COBLL1: variants seen among roughly 807,000 people sequenced by gnomAD.
The protein encoded by COBLL1 is cordon-bleu protein-like 1.
A neutral mutation model predicts 94.8 loss-of-function variants in COBLL1; 50 were observed. The observed-to-expected ratio is 0.53, with a 90% CI of 0.42 to 0.67. The LOEUF is 0.67. Ranked by LOEUF, COBLL1 falls within the 30% of genes least tolerant of loss-of-function variation. COBLL1 has a pLI of 0.00. For missense variants in COBLL1, 1,362 were observed against 1,348.7 expected, an observed-to-expected ratio of 1.01 and a Z score of -0.15; for synonymous variants, 448 against 473.8, an observed-to-expected ratio of 0.95 and a Z score of 0.71.
chr2:164,722,997 T>C (rs1270094315), intron 5 of COBLL1: 1 of 152,256 alleles, frequency 6.6e-6, no homozygotes, highest in African/African-American at 2.4e-5. Context: ...CTTTGTTAAA[T>C]GTTTCATAAA....
chr2:164,663,539 G>A (rs1473214857), intron 2 of COBLL1, among the ~76,000 whole-genome samples: 1 of 152,058 alleles, frequency 6.6e-6, no homozygotes, highest in Non-Finnish European at 1.5e-5. Context: ...GCAAAGACAT[G>A]GAATCAACCT....
chr2:164,696,686 A>C (rs567619883), intron 11 of COBLL1: 2 of 152,330 alleles, frequency 1.3e-5, no homozygotes, highest in East Asian at 3.9e-4. Context: ...GTCTAGGTTA[A>C]CAGAGCAACA....
chr2:164,733,228 T>C (rs1686114205), intron 3 of COBLL1, among the ~76,000 whole-genome samples: 1 of 152,216 alleles, frequency 6.6e-6, no homozygotes, highest in Admixed American at 6.5e-5. Flanking sequence ...GAAACATTGG[T>C]ATTTCTATCT....
chr2:164,831,821 A>G (rs1683091074), intron 2 of COBLL1, among the ~76,000 whole-genome samples: 2 of 152,316 alleles, frequency 1.3e-5, no homozygotes, highest in South Asian at 2.1e-4. Context: ...AAAAAAAGAG[A>G]AAGAGTTGCT....
chr2:164,660,269 C>T (rs1034374864), intron 2 of COBLL1, among the ~76,000 whole-genome samples: 5 of 151,998 alleles, frequency 3.3e-5, no homozygotes, highest in South Asian at 2.1e-4. Context: ...TAAGGCTGTA[C>T]GAGTTTGGAG....
chr2:164,794,532 T>C (rs1339107273), intron 2 of COBLL1, among the ~76,000 whole-genome samples: 1 of 151,944 alleles, frequency 6.6e-6, no homozygotes, highest in East Asian at 1.9e-4. Flanking sequence ...GACACACCTC[T>C]GAAGAGTCAT....
chr2:164,694,463 G>T lies in COBLL1; in HGVS notation c.2929C>A (p.Pro977Thr), dbSNP rs1312482379. ...NLKTLKTFGA[P>T]RPYSSSGPSP... ...GGACCAGAACTTGAGTATGGTCGTG[G>T]GGCACCAAAAGTTTTCAAAGTCTTC... The change falls in exon 12 of 14, where the codon CCA becomes ACA. Residue 977 changes from proline (P) to threonine (T), a missense_variant. Coordinates refer to ENST00000652658, the MANE Select transcript of COBLL1 (RefSeq NM_001365672.2). The T allele has an allele frequency of 1.5e-5, 25 of 1,613,884 alleles. No homozygotes were observed. The highest frequency in any genetic ancestry group is 1.9e-5 in the Non-Finnish European group (23 of 1,179,924).
chr2:164,785,803 A>T (rs569971508), intron 2 of COBLL1, among the ~76,000 whole-genome samples: 73 of 152,108 alleles, frequency 4.8e-4, no homozygotes, highest in Non-Finnish European at 8.8e-4. Flanking sequence ...AAAAGACATC[A>T]GAGGCTTATT....
chr2:164,730,735 A>G (rs1685966262), intron 3 of COBLL1, among the ~76,000 whole-genome samples: 2 of 152,138 alleles, frequency 1.3e-5, no homozygotes, highest in Non-Finnish European at 2.9e-5. Flanking sequence ...AGTCCTTCAC[A>G]ACACATTATT....
intron 2 of COBLL1, among the ~76,000 whole-genome samples, chr2:164,810,782 A>T (rs1684422110): frequency 6.6e-6 from 1 of 152,020 alleles, no homozygotes. Context: ...AGTATAAGAA[A>T]AATAACAAAA....
chr2:164,797,337 C>T (rs1683516863), intron 2 of COBLL1, among the ~76,000 whole-genome samples: 1 of 152,134 alleles, frequency 6.6e-6, no homozygotes, highest in Admixed American at 6.5e-5. Flanking sequence ...CTTACTTTTT[C>T]ACTCTAACTA....
chr2:164,763,680 A>C (rs1687801042), intron 2 of COBLL1, among the ~76,000 whole-genome samples: 1 of 152,230 alleles, frequency 6.6e-6, no homozygotes. Flanking sequence ...CATGACTGGA[A>C]TATATTATCA....
intron 9 of COBLL1, among the ~76,000 whole-genome samples, chr2:164,702,186 T>A (rs1222088978): frequency 6.6e-6 from 1 of 152,054 alleles, no homozygotes; most frequent in Non-Finnish European, 1.5e-5. Flanking sequence ...TTTTGGCAAA[T>A]GATGCTTTAT....
chr2:164,792,338 A>C (rs2105300139), intron 2 of COBLL1, among the ~76,000 whole-genome samples: 1 of 152,192 alleles, frequency 6.6e-6, no homozygotes, highest in East Asian at 1.9e-4. Context: ...TATGTTGCCC[A>C]GGCTGGTCTC....
chr2:164,673,441 G>A (rs1390013123), intron 1 of COBLL1, among the ~76,000 whole-genome samples: 1 of 152,156 alleles, frequency 6.6e-6, no homozygotes, highest in South Asian at 2.1e-4. Flanking sequence ...TTGGGAGGCT[G>A]AGGCAGGCAC....
intron 2 of COBLL1, among the ~76,000 whole-genome samples, chr2:164,810,247 A>G (rs1270510666): frequency 6.6e-6 from 1 of 151,580 alleles, no homozygotes; most frequent in Non-Finnish European, 1.5e-5. Flanking sequence ...TTTTTCTAAA[A>G]GAAGAGATTT....
At position 164,685,530 on chromosome 2, in the gene COBLL1, G is replaced by A. The variant is rs746872002; in HGVS notation, c.*416C>T. On this transcript the variant is annotated 3_prime_UTR_variant, in exon 14 of 14. Coordinates refer to ENST00000652658, the MANE Select transcript of COBLL1 (RefSeq NM_001365672.2). ...ATATAACTTATAAATATTTCCAATTGCTACACTGAGGCAGCAAATGTCATA... is the reference window on the plus strand; with the variant it reads ...ATATAACTTATAAATATTTCCAATTACTACACTGAGGCAGCAAATGTCATA... 9.1e-5 allele frequency: 14 copies of A among 153,330 alleles called. No individual in the cohort carries two copies. Among genetic ancestry groups the A allele is most frequent in the Middle Eastern group, 6.8e-3 (2 of 296 alleles). The allele number at this position is 153,330 out of a possible 1,614,324, so 9.5% of individuals were successfully genotyped here.
intron 1 of COBLL1, among the ~76,000 whole-genome samples, chr2:164,673,953 T>C (rs556675163): frequency 6.6e-6 from 1 of 152,346 alleles, no homozygotes; most frequent in South Asian, 2.1e-4. Context: ...ATAAATACTA[T>C]TGAGTACCTC....
intron 2 of COBLL1, among the ~76,000 whole-genome samples, chr2:164,794,789 C>T (rs1016609056): frequency 2.0e-5 from 3 of 152,158 alleles, no homozygotes; most frequent in Non-Finnish European, 4.4e-5. Context: ...CAGACACAGA[C>T]CCTCTTGCCC....
Sources: allele counts gnomAD v4.1 joint callset (sites outside exome capture counted in the v4.1 genomes callset), GRCh38; gene constraint gnomAD v4.1.1; transcripts MANE v1.5; gene names NCBI Gene and HGNC (gene_info 2026-07-23, HGNC 2026-07-21).